BCL2L12: variants seen among roughly 807,000 people sequenced by gnomAD.
BCL2L12 encodes BCL2 like 12, also known as bcl-2-like protein 12.
BCL2L12 carries 27 observed loss-of-function variants against 25.7 expected under a neutral mutation model. The observed-to-expected ratio is 1.05, with a 90% CI of 0.78 to 1.45. The LOEUF is 1.45. Among genes scored for constraint, BCL2L12 ranks in the 40% most tolerant of loss-of-function variants. BCL2L12 has a pLI of 0.00. For synonymous variants in BCL2L12, 132 were observed against 145.6 expected, an observed-to-expected ratio of 0.91 and a Z score of 0.67; for missense variants, 302 against 329.8, an observed-to-expected ratio of 0.92 and a Z score of 0.65.
At chr19:49,673,494 AC>A (rs2082001878) in intron 6 of BCL2L12, among the ~76,000 whole-genome samples, 1 of 151,654 alleles carries the variant, frequency 6.6e-6, no homozygotes, top group African/African-American at 2.4e-5. Flanking sequence ...CTCGAGCTCA[AC>A]CTTTCCTCCT....
chr19:49,671,793 G>A (rs1006312662), intron 6 of BCL2L12, among the ~76,000 whole-genome samples: 3 of 152,250 alleles, frequency 2.0e-5, no homozygotes, highest in African/African-American at 7.2e-5. Flanking sequence ...AACAGTGCCT[G>A]CCAGGATGCC....
chr19:49,670,107 A>C, intron 5 of BCL2L12, 109 bp from the exon 6 acceptor site: 1 of 1,404,518 alleles, frequency 7.1e-7, no homozygotes. Flanking sequence ...GGTGGCCTAG[A>C]ACCTTAGCAT....
In BCL2L12 at chr19:49,668,853, C is replaced by A. The variant is rs1367523433; in HGVS notation, c.253C>A (p.Pro85Thr). 6 of 1,612,392 alleles carry A rather than the reference C, an allele frequency of 3.7e-6. No homozygotes were observed. Among genetic ancestry groups the A allele is most frequent in the Non-Finnish European group, 5.1e-6 (6 of 1,179,770 alleles). Residue 85 changes from proline to threonine, a missense_variant and splice_region_variant, in exon 4 of 7, where the codon CCA (proline) becomes ACA (threonine). By Grantham distance (38) the Pro-to-Thr change is conservative (BLOSUM62 -1). Coordinates refer to ENST00000246784, the MANE Select transcript of BCL2L12 (RefSeq NM_138639.2). ...GTCATTAACTCTTTTCACCCCAGGCCCAGCTACTCCAGACTTCTATGCTTT... is the reference window on the plus strand; with the variant it reads ...GTCATTAACTCTTTTCACCCCAGGCACAGCTACTCCAGACTTCTATGCTTT... ...IRPCYGLEPG[P>T]ATPDFYALVA... is the part of the protein sequence containing the mutation.
intron 1 of BCL2L12, among the ~76,000 whole-genome samples, 177 bp downstream of exon 1, chr19:49,666,244 C>T (rs937438404): frequency 1.3e-5 from 2 of 152,200 alleles, no homozygotes; most frequent in Non-Finnish European, 2.9e-5. Context: ...CGAAGAAGCG[C>T]GGACCTAGGG....
intron 5 of BCL2L12, among the ~76,000 whole-genome samples, chr19:49,669,332 T>G (rs1453535308): frequency 6.6e-6 from 1 of 151,978 alleles, no homozygotes; most frequent in African/African-American, 2.4e-5. Flanking sequence ...GGTCAGGAGT[T>G]CGAGACCAGC....
rs368347748 is a variant in BCL2L12 at position 49,667,884 on chromosome 19, G to A, written c.250+723G>A. ...CAATCCCCACCTCCTGGGTTCAAGC[G>A]ATTCTCGTGCCTCAGCCTCCCGAGT... On this transcript the variant is annotated intron_variant, in intron 3 of 6. Transcript: ENST00000246784. 7.9e-5 allele frequency among the ~76,000 whole-genome samples: 12 copies of A among 151,656 alleles called. No individual in the cohort carries two copies. In the South Asian group the frequency reaches 2.5e-3, roughly 32 times the overall value.
chr19:49,667,060 T>A lies in BCL2L12; in HGVS notation c.149T>A (p.Leu50His). Residue 50 changes from leucine (L) to histidine (H), a missense_variant, in exon 3 of 7, where the codon CTT (leucine) becomes CAT (histidine). Physicochemically the swap from Leu to His is moderately conservative, Grantham distance 99. Transcript: ENST00000246784. ...QEEPTDFLSR[L>H]RRCLPCSLGR... The stretch of plus-strand genomic sequence containing the variant: ...GAGCCAACAGACTTCCTGAGCCGCC[T>A]TCGAAGATGTCTTCCCTGCTCCCTG... The A allele has an allele frequency of 6.2e-7, 1 of 1,613,720 alleles. No individual in the cohort carries two copies. The highest frequency in any genetic ancestry group is 1.7e-5 in the Admixed American group (1 of 60,024).
At chr19:49,665,246 G>C (rs543345496), upstream of BCL2L12, 3 of 193,688 alleles carry the variant, frequency 1.5e-5, no homozygotes, top group African/African-American at 2.4e-5. Context: ...CCCCAATGTA[G>C]ACCCCCTTCC....
intron 3 of BCL2L12, among the ~76,000 whole-genome samples, chr19:49,668,319 G>A (rs371509366): frequency 2.0e-5 from 3 of 151,082 alleles, no homozygotes; most frequent in African/African-American, 7.3e-5. Flanking sequence ...GGCTGCTCTC[G>A]AACTCCCAAC....
At chr19:49,673,623 A>G (rs1011283838) in intron 6 of BCL2L12, 75 bp from the exon 7 acceptor site, 360 of 1,244,664 alleles carry the variant, frequency 2.9e-4, no homozygotes, top group Middle Eastern at 7.5e-4. Context: ...CTAATCTCAC[A>G]GGGCTGATGT....
At chr19:49,669,932 A>T (rs1390273018) in intron 5 of BCL2L12, among the ~76,000 whole-genome samples, 2 of 151,948 alleles carry the variant, frequency 1.3e-5, no homozygotes, top group African/African-American at 4.8e-5. Context: ...GGGAAAGGTC[A>T]CCAGGGGCAT....
intron 6 of BCL2L12, among the ~76,000 whole-genome samples, chr19:49,670,916 T>C (rs1302899387): frequency 6.6e-6 from 1 of 151,598 alleles, no homozygotes; most frequent in Non-Finnish European, 1.5e-5. Context: ...TCCCAGCACT[T>C]TGGGAGGCCG....
At chr19:49,668,658 C>T (rs749136598) in intron 3 of BCL2L12, among the ~76,000 whole-genome samples, 193 bp from the exon 4 acceptor site, 11 of 152,072 alleles carry the variant, frequency 7.2e-5, no homozygotes, top group South Asian at 2.1e-4. Context: ...GGTATGGCGG[C>T]GTGCGCCTGT....
chr19:49,670,156 C>G, intron 5 of BCL2L12, 60 bp from the exon 6 acceptor site: 1 of 1,569,242 alleles, frequency 6.4e-7, no homozygotes, highest in Non-Finnish European at 8.6e-7. Flanking sequence ...GCCTCCCGGC[C>G]CTCTATTGGC....
intron 1 of BCL2L12, among the ~76,000 whole-genome samples, chr19:49,666,434 CA>C (rs926465660): frequency 2.0e-5 from 3 of 152,134 alleles, no homozygotes; most frequent in Non-Finnish European, 1.5e-5. Context: ...TCCAGGACCC[CA>C]GCTCCCTCCT....
At chr19:49,666,146 C>A in intron 1 of BCL2L12, 79 bp downstream of exon 1, 1 of 1,469,954 alleles carries the variant, frequency 6.8e-7, no homozygotes, top group Non-Finnish European at 9.1e-7. Flanking sequence ...ACCCCAGTCC[C>A]GCTTCTCTGA....
intron 5 of BCL2L12, among the ~76,000 whole-genome samples, chr19:49,669,540 A>G (rs2081907877): frequency 6.6e-6 from 1 of 151,740 alleles, no homozygotes; most frequent in Non-Finnish European, 1.5e-5. Flanking sequence ...TGTCTTTAAA[A>G]AAAAAAAAAA....
intron 3 of BCL2L12, among the ~76,000 whole-genome samples, chr19:49,668,234 T>G (rs886078374): frequency 1.3e-5 from 2 of 152,034 alleles, no homozygotes; most frequent in Non-Finnish European, 2.9e-5. Flanking sequence ...TAGCTGGGAT[T>G]ATAGGCATGC....
chr19:49,668,890 G>T lies in BCL2L12; in HGVS notation c.290G>T (p.Arg97Leu), dbSNP rs762286281. 6.2e-7 allele frequency: 1 copy of T among 1,613,528 alleles called. No homozygotes were observed. The highest frequency in any genetic ancestry group is 1.7e-5 in the Admixed American group (1 of 60,012). ...TPDFYALVAQ[R>L]LEQLVQEQLK... is the part of the protein sequence containing the mutation. ...GACTTCTATGCTTTGGTGGCCCAGCGGCTGGAACAGCTGGTCCAAGAGCAG... is the reference window on the plus strand; with the variant it reads ...GACTTCTATGCTTTGGTGGCCCAGCTGCTGGAACAGCTGGTCCAAGAGCAG... The change falls in exon 4 of 7, where the codon CGG becomes CTG. Residue 97 changes from arginine (R) to leucine (L), a missense_variant. Transcript: ENST00000246784.
Sources: gnomAD v4.1 joint callset for allele counts (sites outside exome capture counted in the v4.1 genomes callset) on GRCh38, gnomAD v4.1.1 for gene constraint, MANE v1.5 for transcripts, NCBI Gene and HGNC (gene_info 2026-07-23, HGNC 2026-07-21) for gene names.